Variants in NUP160 observed in about 807,000 individuals in gnomAD.
NUP160 encodes nucleoporin 160.
A neutral mutation model predicts 196.9 loss-of-function variants in NUP160; 94 were observed. The observed-to-expected ratio is 0.48, with a 90% CI of 0.40 to 0.57. The LOEUF (loss-of-function observed/expected upper bound fraction) is 0.57, where lower values mean the gene tolerates loss of function less well. Ranked by LOEUF, NUP160 falls within the 20% of genes least tolerant of loss-of-function variation. NUP160 has a pLI of 0.00. For synonymous variants in NUP160, 605 were observed against 619.7 expected (o/e 0.98, Z 0.35); for missense variants, 1,638 against 1,748.3 (o/e 0.94, Z 1.13).
At chr11:47,781,447 T>G (rs1467334278) in intron 34 of NUP160, among the ~76,000 whole-genome samples, 1 of 151,908 alleles carries the variant, frequency 6.6e-6, no homozygotes, top group Non-Finnish European at 1.5e-5. Flanking sequence ...CTATTTTTTG[T>G]AGATAAAGGT....
At chr11:47,793,649 T>G (rs1342843156) in intron 27 of NUP160, among the ~76,000 whole-genome samples, 1 of 150,378 alleles carries the variant, frequency 6.6e-6, no homozygotes, top group Non-Finnish European at 1.5e-5. Flanking sequence ...GCAATCCAAG[T>G]GTCCATTGAT....
At chr11:47,802,069 C>G in intron 22 of NUP160, 139 bp from the exon 23 acceptor site, 1 of 705,408 alleles carries the variant, frequency 1.4e-6, no homozygotes, top group Non-Finnish European at 2.3e-6. Flanking sequence ...TAGTTTCTGA[C>G]ACATATGAAT....
chr11:47,841,448 C>T lies in NUP160; in HGVS notation c.315-860G>A, dbSNP rs1599350691. The T allele has an allele frequency of 1.2e-5, 5 of 420,390 alleles. No individual in the cohort carries two copies. The East Asian group carries it at 2.7e-4, about 22-fold the overall frequency. 26.0% of individuals were successfully genotyped at this position (420,390 alleles called of 1,614,324 possible). A position where few individuals can be genotyped will look rare whatever the true frequency, so the allele number is the denominator to read the frequency against. On this transcript the variant is annotated intron_variant, in intron 2 of 35. Transcript: ENST00000378460. ...TGGTTCACAGGCGCCACTGGCAGAG[C>T]ATTTCTTTTTAACAAGGTAGTGAAC... is the stretch of plus-strand genomic sequence containing the variant.
intron 27 of NUP160, among the ~76,000 whole-genome samples, chr11:47,793,751 TTTTTTTGAGAC>T (rs2097669302): frequency 2.4e-5 from 2 of 82,500 alleles, no homozygotes; most frequent in East Asian, 3.7e-4. Context: ...TTTTTTTTTT[TTTTTTTGAGAC>T]GGAGTTTTGT....
chr11:47,821,864 A>C (rs1599333844), intron 8 of NUP160, 43 bp from the exon 9 acceptor site: 1 of 1,460,588 alleles, frequency 6.8e-7, no homozygotes, highest in Non-Finnish European at 9.6e-7. Flanking sequence ...ATAAGAAAGA[A>C]AGTAGTAGTT....
chr11:47,803,601 CAA>C lies in NUP160; in HGVS notation c.2677-67_2677-66del, dbSNP rs1008972448. 1.4e-4 allele frequency: 119 copies of C among 852,996 alleles called. No homozygotes were observed. In the African/African-American group the frequency reaches 1.8e-3, roughly 13 times the overall value. 52.8% of individuals were successfully genotyped at this position (852,996 alleles called of 1,614,324 possible). Reference sequence around the variant, plus strand: ...TGTTACTTAAGGAGATACTCATTCCCAAGTTATTCGTCACAGAGGATGAAAAG... The same window carrying C: ...TGTTACTTAAGGAGATACTCATTCCCGTTATTCGTCACAGAGGATGAAAAG... On this transcript the variant is annotated intron_variant, in intron 21 of 35. Coordinates refer to ENST00000378460, the Ensembl canonical transcript of NUP160.
chr11:47,833,365 G>T (rs982766349), intron 7 of NUP160, among the ~76,000 whole-genome samples: 1 of 151,658 alleles, frequency 6.6e-6, no homozygotes, highest in Non-Finnish European at 1.5e-5. Flanking sequence ...TGATGAAGGA[G>T]AATTGCTTGA....
At chr11:47,823,432 G>A (rs1279900259) in intron 7 of NUP160, among the ~76,000 whole-genome samples, 1 of 152,130 alleles carries the variant, frequency 6.6e-6, no homozygotes, top group Non-Finnish European at 1.5e-5. Context: ...CTCCATGTAA[G>A]TGGAAGGGTC....
At chr11:47,822,258 A>C (rs1851875084) in intron 7 of NUP160, 94 bp from the exon 8 acceptor site, 2 of 894,918 alleles carry the variant, frequency 2.2e-6, no homozygotes, top group Non-Finnish European at 3.4e-6. Context: ...CCTTTAAAAA[A>C]AAATTTTTTT....
intron 20 of NUP160, among the ~76,000 whole-genome samples, chr11:47,805,588 C>T (rs2097677057): frequency 6.6e-6 from 1 of 151,636 alleles, no homozygotes. Context: ...GGACTACAGG[C>T]GCCTGCCACC....
exon 35 of NUP160, chr11:47,780,343 T>C (rs1255653741): frequency 1.2e-6 from 2 of 1,607,176 alleles, no homozygotes; most frequent in Non-Finnish European, 1.7e-6. Flanking sequence ...GCTGACTTAC[T>C]GCGATGTTGT....
chr11:47,836,088 A>G (rs1852168266), intron 6 of NUP160, among the ~76,000 whole-genome samples: 1 of 152,124 alleles, frequency 6.6e-6, no homozygotes, highest in Admixed American at 6.5e-5. Flanking sequence ...CTCTACTAAA[A>G]AATACAAAAA....
At position 47,808,426 on chromosome 11, in the gene NUP160, C is replaced by T. The variant is rs751313452; in HGVS notation, c.2345G>A (p.Cys782Tyr). ...GTCAAGTGGAACATCAGTTGCCAAGCACTCACTTCCCCATTTAATGAGGTA... is the reference window on the plus strand; with the variant it reads ...GTCAAGTGGAACATCAGTTGCCAAGTACTCACTTCCCCATTTAATGAGGTA... The change falls in exon 18 of 36, where the codon TGC becomes TAC. Residue 782 changes from cysteine (C) to tyrosine (Y), a missense_variant. By Grantham distance (194) the Cys-to-Tyr change is radical (BLOSUM62 -2). Around this residue, in one of 3 missense-constraint regions of NUP160, gnomAD observed 1,345 missense variants for 1,470.2 expected, o/e 0.91. Transcript: ENST00000378460. 8 of 1,613,430 alleles carry T rather than the reference C, an allele frequency of 5.0e-6. No homozygotes were observed. The South Asian group carries it at 8.8e-5, about 18-fold the overall frequency.
chr11:47,816,304 TAGTGACAA>T (rs1419919015), intron 11 of NUP160, among the ~76,000 whole-genome samples: 2 of 152,144 alleles, frequency 1.3e-5, no homozygotes, highest in African/African-American at 4.8e-5. Context: ...CCACAAGAGG[TAGTGACAA>T]AGTGGTCAGT....
chr11:47,818,318 T>A (rs1851779575), intron 10 of NUP160, among the ~76,000 whole-genome samples, 194 bp from the exon 11 acceptor site: 1 of 152,188 alleles, frequency 6.6e-6, no homozygotes, highest in African/African-American at 2.4e-5. Flanking sequence ...CAACTAGAGG[T>A]ACTATACTTA....
intron 7 of NUP160, among the ~76,000 whole-genome samples, chr11:47,829,755 T>C (rs1432641763): frequency 1.3e-5 from 2 of 151,914 alleles, no homozygotes; most frequent in East Asian, 1.9e-4. Flanking sequence ...CACGCAAAAC[T>C]ATAAAAACCC....
At position 47,837,629 on chromosome 11, in the gene NUP160, A is replaced by G. The variant is rs989565557; in HGVS notation, c.749-6T>C. The stretch of plus-strand genomic sequence containing the variant: ...TTCCACGACTGACACCATACCTGCA[A>G]TGATATCCAAGGCACCTCTTGAACA... On this transcript the variant is annotated splice_polypyrimidine_tract_variant and splice_region_variant and intron_variant, in intron 4 of 35. Coordinates refer to ENST00000378460, the Ensembl canonical transcript of NUP160. 5 of 1,612,174 alleles carry G rather than the reference A, an allele frequency of 3.1e-6. No homozygotes were observed. Among genetic ancestry groups the G allele is most frequent in the African/African-American group, 1.3e-5 (1 of 74,902 alleles).
chr11:47,822,210 T>G, intron 7 of NUP160, 46 bp from the exon 8 acceptor site: 2 of 1,369,030 alleles, frequency 1.5e-6, no homozygotes, highest in Non-Finnish European at 2.1e-6. Context: ...ATAATCAACA[T>G]GTTACTTTTC....
At chr11:47,814,583 T>C (rs946476199) in intron 13 of NUP160, among the ~76,000 whole-genome samples, 1 of 151,468 alleles carries the variant, frequency 6.6e-6, no homozygotes, top group African/African-American at 2.4e-5. Context: ...AAAAAAATTA[T>C]GGGCACAATT....
Sources: allele counts gnomAD v4.1 joint callset (sites outside exome capture counted in the v4.1 genomes callset), GRCh38; gene constraint gnomAD v4.1.1; regional missense constraint gnomAD v4.1.1; transcripts MANE v1.5; gene names NCBI Gene and HGNC (gene_info 2026-07-23, HGNC 2026-07-21).